PPM1L: variants seen among roughly 807,000 people sequenced by gnomAD.
The protein encoded by PPM1L is protein phosphatase, Mg2+/Mn2+ dependent 1L.
PPM1L carries 13 observed loss-of-function variants against 31.4 expected under a neutral mutation model. The observed-to-expected ratio is 0.41, with a 90% CI of 0.27 to 0.66. The LOEUF is 0.66. Among genes scored for constraint, PPM1L ranks in the 30% least tolerant of loss-of-function variants. The pLI is 0.29. For synonymous variants in PPM1L, 184 were observed against 175.4 expected (o/e 1.05, Z -0.39); for missense variants, 326 against 453.7 (o/e 0.72, Z 2.56).
chr3:160,982,257 C>G (rs997055356), intron 2 of PPM1L, among the ~76,000 whole-genome samples: 8 of 152,178 alleles, frequency 5.3e-5, no homozygotes, highest in Non-Finnish European at 8.8e-5. Flanking sequence ...ACTATCACTT[C>G]TGACTCCTCT....
At chr3:161,040,354 C>T (rs1174477376) in intron 2 of PPM1L, among the ~76,000 whole-genome samples, 1 of 152,132 alleles carries the variant, frequency 6.6e-6, no homozygotes, top group Non-Finnish European at 1.5e-5. Context: ...TAAAACCTCA[C>T]CTGGATGTCA....
At chr3:161,046,305 A>G (rs554326725) in intron 2 of PPM1L, among the ~76,000 whole-genome samples, 1 of 152,252 alleles carries the variant, frequency 6.6e-6, no homozygotes, top group African/African-American at 2.4e-5. Context: ...AGAATACTAT[A>G]AACACCTCTA....
intron 2 of PPM1L, among the ~76,000 whole-genome samples, chr3:160,967,534 G>C (rs1716192104): frequency 1.3e-5 from 2 of 150,656 alleles, no homozygotes; most frequent in South Asian, 4.2e-4. Flanking sequence ...CTTTTATAAG[G>C]GCACTAATTC....
chr3:160,830,835 A>T (rs111411877), intron 1 of PPM1L, among the ~76,000 whole-genome samples: 2 of 152,234 alleles, frequency 1.3e-5, no homozygotes, highest in African/African-American at 4.8e-5. Context: ...CATACTTCGC[A>T]TGAATAAGAT....
intron 1 of PPM1L, among the ~76,000 whole-genome samples, chr3:160,949,727 C>T (rs1715515680): frequency 6.6e-6 from 1 of 152,238 alleles, no homozygotes; most frequent in South Asian, 2.1e-4. Context: ...TGCTCATAAA[C>T]TAGTGGGAAG....
intron 1 of PPM1L, among the ~76,000 whole-genome samples, chr3:160,881,497 T>A (rs189283981): frequency 2.6e-5 from 4 of 152,292 alleles, no homozygotes; most frequent in Admixed American, 2.0e-4. Context: ...CCAATATATT[T>A]AAAAAATAAT....
chr3:160,944,492 C>A (rs1254014817), intron 1 of PPM1L, among the ~76,000 whole-genome samples: 1 of 150,018 alleles, frequency 6.7e-6, no homozygotes, highest in African/African-American at 2.5e-5. Flanking sequence ...TAAAAGACTA[C>A]AATTTCTAAG....
chr3:160,872,112 A>C (rs1159545672), intron 1 of PPM1L, among the ~76,000 whole-genome samples: 1 of 152,168 alleles, frequency 6.6e-6, no homozygotes. Flanking sequence ...TTTAGTGTGC[A>C]CTGTAGCTAA....
intron 1 of PPM1L, among the ~76,000 whole-genome samples, chr3:160,809,380 G>T (rs780333833): frequency 6.6e-6 from 1 of 152,050 alleles, no homozygotes; most frequent in Non-Finnish European, 1.5e-5. Context: ...TCCCTACATG[G>T]AGTTTCTTAA....
At chr3:160,838,779 T>G (rs1027439656) in intron 1 of PPM1L, among the ~76,000 whole-genome samples, 3 of 152,138 alleles carry the variant, frequency 2.0e-5, no homozygotes, top group African/African-American at 7.2e-5. Context: ...TACTGAGGAT[T>G]ATGATACAGA....
intron 2 of PPM1L, among the ~76,000 whole-genome samples, chr3:161,001,811 T>G (rs566143867): frequency 6.6e-6 from 1 of 152,224 alleles, no homozygotes; most frequent in East Asian, 1.9e-4. Flanking sequence ...CCTAAAGTGT[T>G]TACATTTTAA....
chr3:160,978,123 G>A (rs540087578), intron 2 of PPM1L, among the ~76,000 whole-genome samples: 2 of 152,306 alleles, frequency 1.3e-5, no homozygotes, highest in East Asian at 3.9e-4. Context: ...GCTCATCTGA[G>A]GACAAATGCT....
chr3:161,008,675 G>T (rs1198125883), intron 2 of PPM1L, among the ~76,000 whole-genome samples: 1 of 152,178 alleles, frequency 6.6e-6, no homozygotes, highest in East Asian at 1.9e-4. Flanking sequence ...TGGATGTGAA[G>T]TGTAGGAAAA....
intron 1 of PPM1L, among the ~76,000 whole-genome samples, chr3:160,788,612 T>G (rs1712007838): frequency 6.6e-6 from 1 of 152,068 alleles, no homozygotes; most frequent in African/African-American, 2.4e-5. Context: ...TTTATTATTT[T>G]GGGATTTTGA....
At chr3:160,760,131 C>T (rs1403047) in intron 1 of PPM1L, among the ~76,000 whole-genome samples, 3 of 152,224 alleles carry the variant, frequency 2.0e-5, no homozygotes, top group Admixed American at 6.5e-5. Flanking sequence ...CTCTCTATAT[C>T]TCAAGGTTCT....
At chr3:160,784,273 T>G (rs1711835423) in intron 1 of PPM1L, among the ~76,000 whole-genome samples, 1 of 152,244 alleles carries the variant, frequency 6.6e-6, no homozygotes, top group African/African-American at 2.4e-5. Flanking sequence ...GGTTTAATAC[T>G]GTTCTAATCT....
chr3:161,061,975 A>G (rs538670254), intron 2 of PPM1L, among the ~76,000 whole-genome samples: 3 of 152,314 alleles, frequency 2.0e-5, no homozygotes, highest in East Asian at 1.9e-4. Flanking sequence ...TCCAGGACTC[A>G]GGCTCTACTG....
intron 2 of PPM1L, among the ~76,000 whole-genome samples, chr3:161,042,508 C>G (rs976665686): frequency 6.6e-6 from 1 of 152,186 alleles, no homozygotes; most frequent in Non-Finnish European, 1.5e-5. Context: ...CAGACCAACT[C>G]AGGAAACCAC....
intron 1 of PPM1L, among the ~76,000 whole-genome samples, chr3:160,908,818 T>G (rs1179202740): frequency 6.6e-6 from 1 of 152,174 alleles, no homozygotes; most frequent in Non-Finnish European, 1.5e-5. Context: ...CAGAGTGATT[T>G]CAGAGAAGCT....
Sources: allele counts gnomAD v4.1 joint callset (sites outside exome capture counted in the v4.1 genomes callset), GRCh38; gene constraint gnomAD v4.1.1; transcripts MANE v1.5; gene names NCBI Gene and HGNC (gene_info 2026-07-23, HGNC 2026-07-21).